The following DHX35 variants were observed in gnomAD, a reference collection of about 807,000 sequenced individuals.
DHX35 encodes probable ATP-dependent RNA helicase DHX35.
In DHX35, 84 loss-of-function variants were observed where a neutral mutation model predicts 99.6. The observed-to-expected ratio is 0.84, with a 90% CI of 0.71 to 1.01. The LOEUF (loss-of-function observed/expected upper bound fraction) is 1.01, where lower values mean the gene tolerates loss of function less well. DHX35 is among the 50% of genes least tolerant of loss of function. The probability of loss-of-function intolerance (pLI) is 0.00; values close to 1 mark genes in which losing one functional copy is unlikely to be tolerated. For missense variants in DHX35, 852 were observed against 888.5 expected, an observed-to-expected ratio of 0.96 and a Z score of 0.52; for synonymous variants, 331 against 316.2, an observed-to-expected ratio of 1.05 and a Z score of -0.50.
At position 39,028,461 on chromosome 20, in the gene DHX35, C is replaced by T. The variant is rs147117451; in HGVS notation, c.1845C>T (p.Phe615=). ...TGAGGTGCATTGTCTCCGGCTTCTT[C>T]GCCAATGCAGCGAGGTTTCATTCTA... The part of the protein sequence containing the change: ...LVLRCIVSGF[F]ANAARFHSTG... Residue 615 remains phenylalanine (F), a synonymous_variant, in exon 19 of 22, where the codon TTC becomes TTT. Transcript: ENST00000252011. The T allele has an allele frequency of 7.1e-5, 114 of 1,614,052 alleles. No homozygotes were observed. Among genetic ancestry groups the T allele is most frequent in the South Asian group, 3.1e-4 (28 of 91,084 alleles).
chr20:39,002,892 T>C (rs375230882), intron 10 of DHX35, 24 bp downstream of exon 10: 14 of 1,584,326 alleles, frequency 8.8e-6, no homozygotes, highest in Non-Finnish European at 1.2e-5. Flanking sequence ...ACTTCTCTGA[T>C]GAATAGACAT....
At chr20:38,989,005 C>CAGG in intron 5 of DHX35, 88 bp downstream of exon 5, 1 of 1,438,300 alleles carries the variant, frequency 7.0e-7, no homozygotes, top group Non-Finnish European at 9.5e-7. Context: ...TGCTGCTGTA[C>CAGG]AGGACATTGA....
At chr20:39,028,675 T>C (rs1030417997) in intron 19 of DHX35, among the ~76,000 whole-genome samples, 176 bp downstream of exon 19, 11 of 152,232 alleles carry the variant, frequency 7.2e-5, no homozygotes, top group African/African-American at 2.4e-4. Context: ...ATCTTGACTT[T>C]CTAAAAATGA....
In DHX35 at chr20:38,991,416, G is replaced by A. The variant is rs1227548879; in HGVS notation, c.451-38G>A. 5 of 1,585,854 alleles carry A rather than the reference G, an allele frequency of 3.2e-6. No homozygotes were observed. In the African/African-American group the frequency reaches 4.1e-5, roughly 13 times the overall value. ...AAAATACCATTAATATGTAGTGTAA[G>A]TGAATTATTTCTAAAGCTTTGTGTT... is the stretch of plus-strand genomic sequence containing the variant. On this transcript the variant is annotated intron_variant, in intron 5 of 21. Coordinates refer to ENST00000252011, the MANE Select transcript of DHX35 (RefSeq NM_021931.4).
chr20:39,010,088 T>C (rs1293376450), intron 12 of DHX35, among the ~76,000 whole-genome samples, 192 bp from the exon 13 acceptor site: 1 of 152,198 alleles, frequency 6.6e-6, no homozygotes, highest in Non-Finnish European at 1.5e-5. Context: ...AATATATTTA[T>C]CTAAGGCATT....
chr20:39,000,247 T>C (rs1217735473), intron 8 of DHX35, among the ~76,000 whole-genome samples: 1 of 152,230 alleles, frequency 6.6e-6, no homozygotes, highest in Non-Finnish European at 1.5e-5. Context: ...CTTTTCCTTC[T>C]ATCAGATTGC....
intron 8 of DHX35, among the ~76,000 whole-genome samples, chr20:38,998,356 C>T (rs2086463411): frequency 6.6e-6 from 1 of 152,172 alleles, no homozygotes; most frequent in African/African-American, 2.4e-5. Flanking sequence ...GGTCAGGTCT[C>T]CACCCTGGAC....
At chr20:39,010,515 A>G in intron 13 of DHX35, 111 bp downstream of exon 13, 1 of 1,443,644 alleles carries the variant, frequency 6.9e-7, no homozygotes, top group South Asian at 1.4e-5. Context: ...TACTCAGGTC[A>G]TGTGTTGTGT....
rs1220583310 is a variant in DHX35 at position 38,969,101 on chromosome 20, A to G, written c.61A>G (p.Ser21Gly). The change falls in exon 2 of 22, where the codon AGC (serine) becomes GGC (glycine). Residue 21 changes from serine (S) to glycine (G), a missense_variant. Coordinates refer to ENST00000252011, the MANE Select transcript of DHX35 (RefSeq NM_021931.4). Reference protein sequence around the residue: ...WRPGTEGPGVSISEERQSLAE... With the variant: ...WRPGTEGPGVGISEERQSLAE... ...TGCAGGTACAGAGGGGCCAGGTGTA[A>G]GCATCTCTGAAGAGAGACAAAGTCT... 6.2e-7 allele frequency: 1 copy of G among 1,612,740 alleles called. No individual in the cohort carries two copies. The highest frequency in any genetic ancestry group is 1.7e-5 in the Admixed American group (1 of 59,910).
chr20:39,002,819 T>C lies in DHX35; in HGVS notation c.803T>C (p.Ile268Thr). The change falls in exon 10 of 22, where the codon ATT becomes ACT. Residue 268 changes from isoleucine to threonine, a missense_variant. Coordinates refer to ENST00000252011, the MANE Select transcript of DHX35 (RefSeq NM_021931.4). The part of the protein sequence containing the change: ...IKSTVETVVK[I>T]HQTEGDGDVL... ...TCAACTGTCGAAACTGTGGTGAAAA[T>C]TCACCAGACAGAGGGAGACGGAGAC... 3 of 1,614,170 alleles carry C rather than the reference T, an allele frequency of 1.9e-6. No individual in the cohort carries two copies. The highest frequency in any genetic ancestry group is 2.5e-6 in the Non-Finnish European group (3 of 1,180,014).
At chr20:38,970,222 C>T (rs148622074) in intron 2 of DHX35, among the ~76,000 whole-genome samples, 3 of 152,314 alleles carry the variant, frequency 2.0e-5, no homozygotes, top group Non-Finnish European at 4.4e-5. Context: ...CAAAAGGTGC[C>T]AAGTTCTTAT....
chr20:39,035,776 A>T (rs1032683295), intron 21 of DHX35, among the ~76,000 whole-genome samples: 2 of 152,202 alleles, frequency 1.3e-5, no homozygotes, highest in African/African-American at 4.8e-5. Flanking sequence ...TGTAAATGGA[A>T]GGATCTCCTC....
rs151162287 is a variant in DHX35 at position 39,003,855 on chromosome 20, C to G, written c.959C>G (p.Pro320Arg). 1.2e-4 allele frequency: 196 copies of G among 1,614,066 alleles called. No individual in the cohort carries two copies. The highest frequency in any genetic ancestry group is 2.5e-5 in the Non-Finnish European group (29 of 1,180,044). The change falls in exon 11 of 22, where the codon CCT becomes CGT. Residue 320 changes from proline to arginine, a missense_variant. Pro to Arg is a moderately radical substitution (Grantham distance 103). Transcript: ENST00000252011. ...LRVLPMYAGLPSFEQMKVFER... is the reference protein window; with the variant it reads ...LRVLPMYAGLRSFEQMKVFER... ...GTTCTCCCCATGTATGCAGGACTGC[C>G]TTCCTTTGAGCAAATGAAAGTGTTT... is the stretch of plus-strand genomic sequence containing the variant.
intron 20 of DHX35, 69 bp downstream of exon 20, chr20:39,030,844 CAT>C: frequency 1.3e-6 from 2 of 1,538,566 alleles, no homozygotes; most frequent in South Asian, 2.2e-5. Flanking sequence ...TTCTCCTGTA[CAT>C]GTTTCTTGAC....
chr20:38,964,683 C>T (rs774453309), intron 1 of DHX35, among the ~76,000 whole-genome samples: 1 of 152,168 alleles, frequency 6.6e-6, no homozygotes, highest in Non-Finnish European at 1.5e-5. Flanking sequence ...CCCACCTCGG[C>T]CTCCCAAAGT....
At chr20:39,036,942 A>G (rs897329580) in intron 21 of DHX35, among the ~76,000 whole-genome samples, 6 of 152,136 alleles carry the variant, frequency 3.9e-5, no homozygotes, top group Non-Finnish European at 8.8e-5. Context: ...TTTACTGAAC[A>G]CAGTGCAGCA....
At chr20:38,997,046 T>TTATATTTATTTA (rs1555822478) in intron 8 of DHX35, among the ~76,000 whole-genome samples, 20 of 148,910 alleles carry the variant, frequency 1.3e-4, no homozygotes, top group African/African-American at 5.0e-4. Context: ...CTTAGATTCA[T>TTATATTTATTTA]TTTATTTATT....
At chr20:38,994,777 A>AGTGTT in intron 7 of DHX35, 44 bp from the exon 8 acceptor site, 1 of 1,472,446 alleles carries the variant, frequency 6.8e-7, no homozygotes, top group South Asian at 1.2e-5. Context: ...CTCATCCATA[A>AGTGTT]GTGTTGCACT....
At position 38,976,510 on chromosome 20, in the gene DHX35, T is replaced by A. The variant is rs375521035; in HGVS notation, c.267+3859T>A. On this transcript the variant is annotated intron_variant, in intron 3 of 21. Coordinates refer to ENST00000252011, the MANE Select transcript of DHX35 (RefSeq NM_021931.4). ...TGCATATTTATGGGATTTAGTGTAA[T>A]GTTTTGATATATGTATATGTTGTAT... Among the ~76,000 whole-genome samples the A allele has an allele frequency of 9.9e-5, 15 of 152,144 alleles. No individual in the cohort carries two copies. The East Asian group carries it at 1.2e-3, about 12-fold the overall frequency.
Sources: allele counts gnomAD v4.1 joint callset (sites outside exome capture counted in the v4.1 genomes callset), GRCh38; gene constraint gnomAD v4.1.1; transcripts MANE v1.5; gene names NCBI Gene and HGNC (gene_info 2026-07-23, HGNC 2026-07-21).